The following CEP112 variants were observed in gnomAD, a reference collection of about 807,000 sequenced individuals.
The protein encoded by CEP112 is centrosomal protein of 112 kDa.
In CEP112, 127 loss-of-function variants were observed where a neutral mutation model predicts 153.0. The ratio of observed to expected loss-of-function variants is 0.83; its 90% CI spans 0.72 to 0.96. CEP112 has a LOEUF of 0.96. Ranked by LOEUF, CEP112 falls within the 40% of genes least tolerant of loss-of-function variation. The pLI is 0.00. For synonymous variants in CEP112, 358 were observed against 374.4 expected, an observed-to-expected ratio of 0.96 and a Z score of 0.51; for missense variants, 1,089 against 1,101.2, an observed-to-expected ratio of 0.99 and a Z score of 0.16.
At chr17:65,731,148 T>C (rs1226315272) in intron 23 of CEP112, among the ~76,000 whole-genome samples, 2 of 152,154 alleles carry the variant, frequency 1.3e-5, no homozygotes, top group Non-Finnish European at 2.9e-5. Flanking sequence ...GGCTTTGGCA[T>C]ACAGCCTTTT....
chr17:66,148,128 G>A (rs906289231), intron 4 of CEP112, among the ~76,000 whole-genome samples: 3 of 152,156 alleles, frequency 2.0e-5, no homozygotes, highest in Non-Finnish European at 4.4e-5. Flanking sequence ...CACAATCATG[G>A]CAGAAGGCAA....
intron 1 of CEP112, among the ~76,000 whole-genome samples, chr17:66,185,309 G>A (rs2072882988): frequency 6.6e-6 from 1 of 152,112 alleles, no homozygotes; most frequent in Non-Finnish European, 1.5e-5. Context: ...TGCAACCTCC[G>A]CCTCCTGGGT....
At chr17:66,185,774 A>G (rs939235132) in intron 1 of CEP112, among the ~76,000 whole-genome samples, 5 of 152,138 alleles carry the variant, frequency 3.3e-5, no homozygotes, top group Non-Finnish European at 1.5e-5. Context: ...TCCATTTACA[A>G]ATTCTATATT....
intron 8 of CEP112, among the ~76,000 whole-genome samples, chr17:66,087,079 A>G (rs942451372): frequency 6.6e-6 from 1 of 152,210 alleles, no homozygotes; most frequent in Non-Finnish European, 1.5e-5. Flanking sequence ...AATATATGGA[A>G]TAAGTTTATG....
At chr17:66,051,851 G>A (rs917273179) in intron 12 of CEP112, among the ~76,000 whole-genome samples, 4 of 150,834 alleles carry the variant, frequency 2.7e-5, no homozygotes, top group African/African-American at 9.7e-5. Flanking sequence ...GATGCTCCTT[G>A]ACTTAAAATG....
intron 18 of CEP112, among the ~76,000 whole-genome samples, chr17:65,936,025 A>C (rs2061294263): frequency 6.6e-6 from 1 of 152,088 alleles, no homozygotes; most frequent in Non-Finnish European, 1.5e-5. Flanking sequence ...AATAAAAGAG[A>C]AGACTCAAAT....
chr17:65,715,456 A>AT (rs879860393), intron 23 of CEP112, among the ~76,000 whole-genome samples: 57 of 146,418 alleles, frequency 3.9e-4, no homozygotes, highest in Admixed American at 7.5e-4. Flanking sequence ...CATAAAAGAA[A>AT]TTTTTTTTTT....
intron 24 of CEP112, chr17:65,654,903 G>A (rs2045978093): frequency 1.8e-6 from 1 of 559,278 alleles, no homozygotes; most frequent in Non-Finnish European, 3.5e-6. Context: ...TGGCAGCAAA[G>A]ACTCAGAAGA....
chr17:65,980,775 C>CT (rs371134534), intron 17 of CEP112, among the ~76,000 whole-genome samples: 6 of 151,668 alleles, frequency 4.0e-5, no homozygotes, highest in African/African-American at 1.2e-4. Flanking sequence ...ATCTTCTCAG[C>CT]TTTTTTTTCT....
At chr17:65,817,076 TG>T (rs2056311443) in intron 21 of CEP112, among the ~76,000 whole-genome samples, 2 of 151,972 alleles carry the variant, frequency 1.3e-5, no homozygotes, top group Admixed American at 6.6e-5. Flanking sequence ...TACATACCTT[TG>T]TTTTTTTCTG....
intron 4 of CEP112, among the ~76,000 whole-genome samples, chr17:66,172,969 C>G (rs4791084): frequency 6.6e-6 from 1 of 151,874 alleles, no homozygotes; most frequent in African/African-American, 2.4e-5. Flanking sequence ...CTATTGCTCA[C>G]GCTGGCCTCA....
intron 23 of CEP112, among the ~76,000 whole-genome samples, chr17:65,691,869 AACT>A (rs2048119793): frequency 6.6e-6 from 1 of 152,118 alleles, no homozygotes; most frequent in Non-Finnish European, 1.5e-5. Flanking sequence ...TGTCAGAGTG[AACT>A]TCTTAAACTT....
intron 19 of CEP112, among the ~76,000 whole-genome samples, chr17:65,914,186 T>G (rs757985630): frequency 1.5e-4 from 22 of 151,590 alleles, no homozygotes; most frequent in Non-Finnish European, 2.9e-4. Flanking sequence ...ATGTCTTAAC[T>G]GCATATTTTA....
chr17:65,944,947 T>C (rs2061606315), intron 18 of CEP112, among the ~76,000 whole-genome samples: 1 of 152,188 alleles, frequency 6.6e-6, no homozygotes, highest in South Asian at 2.1e-4. Flanking sequence ...AAAAACATTT[T>C]ATTGAAATAT....
chr17:65,913,473 T>C (rs1055472602), intron 19 of CEP112: 8 of 983,880 alleles, frequency 8.1e-6, no homozygotes, highest in East Asian at 1.1e-4. Context: ...TTAATAGAAA[T>C]AGGCACAAAA....
intron 12 of CEP112, among the ~76,000 whole-genome samples, chr17:66,035,387 A>G (rs941502255): frequency 2.0e-5 from 3 of 152,092 alleles, no homozygotes; most frequent in Non-Finnish European, 2.9e-5. Flanking sequence ...TGAACGTGCT[A>G]CTTGCCCATC....
At chr17:65,957,165 T>G (rs138871858) in intron 18 of CEP112, among the ~76,000 whole-genome samples, 2 of 152,248 alleles carry the variant, frequency 1.3e-5, no homozygotes, top group Non-Finnish European at 2.9e-5. Flanking sequence ...CCATGGAAAG[T>G]GAAACTTTGG....
At chr17:65,664,008 T>C (rs1210309648) in intron 24 of CEP112, among the ~76,000 whole-genome samples, 6 of 152,146 alleles carry the variant, frequency 3.9e-5, no homozygotes, top group African/African-American at 9.7e-5. Context: ...ATCGTGCTAC[T>C]GCACTCCAGC....
At chr17:65,769,221 A>G (rs1353153008) in intron 21 of CEP112, among the ~76,000 whole-genome samples, 2 of 152,092 alleles carry the variant, frequency 1.3e-5, no homozygotes, top group African/African-American at 4.8e-5. Context: ...TTAACCAAGG[A>G]GAGACCTGTA....
Sources: allele counts gnomAD v4.1 joint callset (sites outside exome capture counted in the v4.1 genomes callset), GRCh38; gene constraint gnomAD v4.1.1; transcripts MANE v1.5; gene names NCBI Gene and HGNC (gene_info 2026-07-23, HGNC 2026-07-21).